The following YES1 variants were observed in gnomAD, a reference collection of about 807,000 sequenced individuals.
The protein encoded by YES1 is YES proto-oncogene 1, Src family tyrosine kinase, also known as tyrosine-protein kinase Yes.
A neutral mutation model predicts 70.4 loss-of-function variants in YES1; 39 were observed. The observed-to-expected ratio is 0.55, with a 90% confidence interval of 0.43 to 0.72. The LOEUF is 0.72. YES1 is among the 30% of genes least tolerant of loss of function. The pLI, the probability that YES1 is intolerant of heterozygous loss-of-function variation, is 0.00. For synonymous variants in YES1, 198 were observed against 218.6 expected (o/e 0.91, Z 0.83); for missense variants, 495 against 644.8 (o/e 0.77, Z 2.52).
At chr18:726,260 C>T (rs960821972) in intron 11 of YES1, among the ~76,000 whole-genome samples, 1 of 151,924 alleles carries the variant, frequency 6.6e-6, no homozygotes, top group Non-Finnish European at 1.5e-5. Flanking sequence ...CCCGTCTCTA[C>T]TAAAAATACA....
chr18:765,301 A>C (rs1307337000), intron 1 of YES1, among the ~76,000 whole-genome samples: 1 of 120,278 alleles, frequency 8.3e-6, no homozygotes, highest in African/African-American at 3.0e-5. Flanking sequence ...TATCTGTAGC[A>C]ATTTTTTCAT....
intron 1 of YES1, among the ~76,000 whole-genome samples, chr18:767,037 G>C (rs1904943462): frequency 6.6e-6 from 1 of 152,076 alleles, no homozygotes; most frequent in South Asian, 2.1e-4. Flanking sequence ...TTCACCAGAA[G>C]ATTTTCTACA....
At chr18:765,050 A>C (rs1186114378) in intron 1 of YES1, among the ~76,000 whole-genome samples, 1 of 151,542 alleles carries the variant, frequency 6.6e-6, no homozygotes, top group Non-Finnish European at 1.5e-5. Context: ...AATCTTTTAA[A>C]GATAACAGAA....
chr18:803,844 G>C (rs1391585113), intron 1 of YES1, among the ~76,000 whole-genome samples: 1 of 152,132 alleles, frequency 6.6e-6, no homozygotes, highest in African/African-American at 2.4e-5. Flanking sequence ...CTGATAATCA[G>C]TCAGAAAATA....
At chr18:796,918 A>C (rs1307766968) in intron 1 of YES1, among the ~76,000 whole-genome samples, 1 of 152,218 alleles carries the variant, frequency 6.6e-6, no homozygotes, top group Non-Finnish European at 1.5e-5. Context: ...ATCTGAGGAA[A>C]AAAAAATTAC....
intron 1 of YES1, among the ~76,000 whole-genome samples, chr18:784,641 T>A (rs966139972): frequency 6.6e-6 from 1 of 152,218 alleles, no homozygotes; most frequent in Non-Finnish European, 1.5e-5. Context: ...TTCTAGCTTG[T>A]GGGGGCTGCC....
chr18:753,644 C>A (rs1419988780), intron 2 of YES1, among the ~76,000 whole-genome samples: 1 of 152,028 alleles, frequency 6.6e-6, no homozygotes, highest in South Asian at 2.1e-4. Flanking sequence ...CACCTCCACG[C>A]CCAGCTAATT....
At chr18:786,568 T>C (rs66563455) in intron 1 of YES1, among the ~76,000 whole-genome samples, 30,646 of 151,372 alleles carry the variant, frequency 0.2, 3,272 homozygotes, top group East Asian at 0.32. Context: ...GAATTCCATA[T>C]TTATGAATTC....
chr18:751,615 C>T (rs2080344744), intron 3 of YES1, 90 bp downstream of exon 3: 1 of 869,248 alleles, frequency 1.2e-6, no homozygotes, highest in Non-Finnish European at 1.9e-6. Flanking sequence ...CTACCTCTCT[C>T]ATCTCTGGAT....
At chr18:782,087 C>T (rs1045670787) in intron 1 of YES1, among the ~76,000 whole-genome samples, 7 of 152,100 alleles carry the variant, frequency 4.6e-5, no homozygotes, top group Non-Finnish European at 1.0e-4. Context: ...TCTCCTCTCC[C>T]CAACTACCTG....
chr18:751,773 A>G lies in YES1; in HGVS notation c.303T>C (p.Asp101=). 6.2e-7 allele frequency: 1 copy of G among 1,606,876 alleles called. No individual in the cohort carries two copies. Among genetic ancestry groups the G allele is most frequent in the Non-Finnish European group, 8.5e-7 (1 of 1,173,998 alleles). ...GGTCTTCTGTAGTTCTAGCTTCATA[A>G]TCATATAAGGCCACAAATATAGTAA... is the stretch of plus-strand genomic sequence containing the variant. ...GGVTIFVALY[D]YEARTTEDLS... The change falls in exon 3 of 12, where the codon GAT becomes GAC. Residue 101 remains aspartate (D), a synonymous_variant. Transcript: ENST00000314574.
intron 11 of YES1, among the ~76,000 whole-genome samples, chr18:727,703 C>T (rs1598883524): frequency 1.3e-5 from 2 of 152,214 alleles, no homozygotes; most frequent in East Asian, 1.9e-4. Flanking sequence ...AACGGTTTAC[C>T]TCTTATTCCC....
intron 1 of YES1, among the ~76,000 whole-genome samples, chr18:764,010 C>T (rs111361288): frequency 0.041 from 6,207 of 151,452 alleles, 437 homozygotes; most frequent in African/African-American, 0.14. Flanking sequence ...GTCCCAGCTA[C>T]TCGGGAGGCT....
At chr18:785,242 G>A (rs1905876343) in intron 1 of YES1, among the ~76,000 whole-genome samples, 1 of 151,960 alleles carries the variant, frequency 6.6e-6, no homozygotes, top group African/African-American at 2.4e-5. Flanking sequence ...TATGGCCCAG[G>A]GAAGCCAAAA....
intron 10 of YES1, among the ~76,000 whole-genome samples, chr18:734,149 C>G (rs1019379164): frequency 2.9e-4 from 44 of 151,434 alleles, no homozygotes; most frequent in African/African-American, 1.0e-3. Context: ...TGTGGTGGTG[C>G]ATGCCTGTAA....
At chr18:738,807 T>A (rs1214272295) in intron 9 of YES1, 1 of 152,150 alleles carries the variant, frequency 6.6e-6, no homozygotes, top group South Asian at 2.1e-4. Flanking sequence ...TAAATACATA[T>A]AGACTTTACA....
At chr18:763,483 C>T (rs561096578) in intron 1 of YES1, among the ~76,000 whole-genome samples, 1 of 152,008 alleles carries the variant, frequency 6.6e-6, no homozygotes, top group African/African-American at 2.4e-5. Context: ...TTGCTTGAGC[C>T]TAGAAATTTG....
At chr18:748,159 A>T in intron 3 of YES1, 141 bp from the exon 4 acceptor site, 1 of 652,262 alleles carries the variant, frequency 1.5e-6, no homozygotes, top group South Asian at 2.3e-5. Flanking sequence ...GAAGAATTAA[A>T]CTCAAAGAAT....
chr18:757,396 G>C (rs967732494), intron 1 of YES1, among the ~76,000 whole-genome samples: 2 of 151,890 alleles, frequency 1.3e-5, no homozygotes, highest in Non-Finnish European at 2.9e-5. Context: ...CCAGCTACTC[G>C]GGAGGCTGAG....
Sources: gnomAD v4.1 joint callset for allele counts (sites outside exome capture counted in the v4.1 genomes callset) on GRCh38, gnomAD v4.1.1 for gene constraint, MANE v1.5 for transcripts, NCBI Gene and HGNC (gene_info 2026-07-23, HGNC 2026-07-21) for gene names.